Variants in SMAP1 observed in about 807,000 individuals in gnomAD.
The protein encoded by SMAP1 is stromal membrane-associated protein 1.
A neutral mutation model predicts 58.5 loss-of-function variants in SMAP1; 24 were observed. The ratio of observed to expected loss-of-function variants is 0.41; its 90% CI spans 0.30 to 0.58. The LOEUF is 0.58. Ranked by LOEUF, SMAP1 falls within the 20% of genes least tolerant of loss-of-function variation. SMAP1 has a pLI of 0.29. For synonymous variants in SMAP1, 216 were observed against 196.6 expected, an observed-to-expected ratio of 1.10 and a Z score of -0.82; for missense variants, 563 against 566.3, an observed-to-expected ratio of 0.99 and a Z score of 0.06.
chr6:70,808,775 T>C (rs1769255565), intron 6 of SMAP1, among the ~76,000 whole-genome samples: 1 of 152,224 alleles, frequency 6.6e-6, no homozygotes, highest in Non-Finnish European at 1.5e-5. Context: ...CTCACTATTA[T>C]TTCAAACTGG....
intron 6 of SMAP1, among the ~76,000 whole-genome samples, chr6:70,800,911 C>G (rs1400324571): frequency 6.6e-6 from 1 of 152,158 alleles, no homozygotes; most frequent in African/African-American, 2.4e-5. Context: ...TTAATCCAGT[C>G]TATCATTGAT....
At chr6:70,769,653 T>G (rs776286674) in intron 3 of SMAP1, among the ~76,000 whole-genome samples, 1 of 152,168 alleles carries the variant, frequency 6.6e-6, no homozygotes, top group African/African-American at 2.4e-5. Context: ...TGTCTCTGCA[T>G]GTGAGATGGG....
chr6:70,834,858 G>T (rs966726813), intron 6 of SMAP1, among the ~76,000 whole-genome samples: 1 of 152,138 alleles, frequency 6.6e-6, no homozygotes, highest in South Asian at 2.1e-4. Context: ...TGTATTAGAG[G>T]TTGAAAAGTG....
chr6:70,749,136 G>C (rs187567580), intron 2 of SMAP1, among the ~76,000 whole-genome samples: 2 of 152,304 alleles, frequency 1.3e-5, no homozygotes, highest in East Asian at 3.9e-4. Context: ...AATTATGGCG[G>C]AAGGCGAGGG....
At chr6:70,730,529 G>T in intron 1 of SMAP1, among the ~76,000 whole-genome samples, 1 of 152,218 alleles carries the variant, frequency 6.6e-6, no homozygotes, top group African/African-American at 2.4e-5. Flanking sequence ...GTAACTGGGG[G>T]AGGCAGCTCT....
At chr6:70,783,757 G>A (rs1767872782) in intron 4 of SMAP1, among the ~76,000 whole-genome samples, 1 of 152,102 alleles carries the variant, frequency 6.6e-6, no homozygotes, top group Non-Finnish European at 1.5e-5. Context: ...AGAGAAAAAA[G>A]AATAAAAAGA....
At chr6:70,813,223 G>A (rs887464462) in intron 6 of SMAP1, among the ~76,000 whole-genome samples, 5 of 151,968 alleles carry the variant, frequency 3.3e-5, no homozygotes, top group African/African-American at 1.2e-4. Flanking sequence ...GTAGGAGGTG[G>A]GGGTATGTCA....
Position 70,733,531 on chromosome 6 carries a change from T to A in SMAP1, c.252+1020T>A, listed in dbSNP as rs146770385. On this transcript the variant is annotated intron_variant, in intron 2 of 10. Transcript: ENST00000370455. ...CTGTAGAATATGGTAACAGATGTCA[T>A]GATGTTGTAAGTCTTTTTTTGTTTG... Among the ~76,000 whole-genome samples, 1,393 of 152,280 alleles carry A rather than the reference T, an allele frequency of 9.1e-3. 19 individuals carry two copies. Among genetic ancestry groups the A allele is most frequent in the Middle Eastern group, 0.088 (26 of 294 alleles).
intron 3 of SMAP1, among the ~76,000 whole-genome samples, chr6:70,766,020 T>A (rs1766963816): frequency 1.3e-5 from 2 of 151,820 alleles, no homozygotes; most frequent in South Asian, 2.1e-4. Flanking sequence ...CTTGCGATAG[T>A]TTACTGAGAA....
chr6:70,690,335 T>C (rs1182171422), intron 1 of SMAP1, among the ~76,000 whole-genome samples: 2 of 152,100 alleles, frequency 1.3e-5, no homozygotes, highest in African/African-American at 4.8e-5. Flanking sequence ...AGACGGACTT[T>C]CGCTCTTGTT....
intron 4 of SMAP1, among the ~76,000 whole-genome samples, chr6:70,776,005 T>C (rs115015750): frequency 9.9e-4 from 151 of 152,248 alleles, no homozygotes; most frequent in African/African-American, 3.6e-3. Context: ...TTTGGATCAC[T>C]TACTATGCTC....
intron 6 of SMAP1, among the ~76,000 whole-genome samples, chr6:70,833,064 C>G (rs1770428501): frequency 6.6e-6 from 1 of 152,058 alleles, no homozygotes; most frequent in African/African-American, 2.4e-5. Flanking sequence ...TGAAGTCTTT[C>G]AAGAAAACTG....
intron 1 of SMAP1, among the ~76,000 whole-genome samples, chr6:70,725,760 A>G (rs897283294): frequency 2.6e-5 from 4 of 152,182 alleles, no homozygotes; most frequent in African/African-American, 9.7e-5. Flanking sequence ...TCCCTCTCCA[A>G]CAAATAAAAC....
intron 3 of SMAP1, among the ~76,000 whole-genome samples, chr6:70,767,997 T>G: frequency 6.6e-6 from 1 of 150,966 alleles, no homozygotes; most frequent in Non-Finnish European, 1.5e-5. Flanking sequence ...TTTCTGCATC[T>G]ATTGAGATAA....
chr6:70,753,442 A>G (rs1766361089), intron 2 of SMAP1, among the ~76,000 whole-genome samples: 1 of 152,110 alleles, frequency 6.6e-6, no homozygotes, highest in Admixed American at 6.6e-5. Flanking sequence ...CAAATGTTTA[A>G]TGTCTTTATG....
rs771439200 is a variant in SMAP1, at chr6:70,858,196, G to A, written c.1236G>A (p.Pro412=). The change falls in exon 10 of 11, where the codon CCG becomes CCA. Residue 412 remains proline, a synonymous_variant. Transcript: ENST00000370455. ...MGAPQSKFGL[P]QAQQPQWSLS... ...CACCCCAGAGTAAGTTTGGCCTGCC[G>A]CAAGCTCAGCAGCCCCAGTGGAGCC... is the stretch of plus-strand genomic sequence containing the variant. 3 of 1,611,858 alleles carry A rather than the reference G, an allele frequency of 1.9e-6. No individual in the cohort carries two copies. The highest frequency in any genetic ancestry group is 2.2e-5 in the East Asian group (1 of 44,720).
intron 1 of SMAP1, among the ~76,000 whole-genome samples, chr6:70,674,830 C>G (rs562885469): frequency 1.3e-3 from 193 of 152,224 alleles, no homozygotes; most frequent in African/African-American, 4.4e-3. Context: ...CTAAAATTAG[C>G]CAGGTGCAGT....
intron 7 of SMAP1, among the ~76,000 whole-genome samples, chr6:70,845,476 C>T (rs1348448308): frequency 6.6e-6 from 1 of 152,134 alleles, no homozygotes; most frequent in African/African-American, 2.4e-5. Flanking sequence ...TTCTATTTTC[C>T]TTAATTCAGA....
At chr6:70,761,570 T>C (rs146947769) in intron 3 of SMAP1, among the ~76,000 whole-genome samples, 1,663 of 152,142 alleles carry the variant, frequency 0.011, 14 homozygotes, top group Non-Finnish European at 0.015. Flanking sequence ...CTGTTTAAAC[T>C]TGATGGTATG....
Sources: allele counts gnomAD v4.1 joint callset (sites outside exome capture counted in the v4.1 genomes callset), GRCh38; gene constraint gnomAD v4.1.1; transcripts MANE v1.5; gene names NCBI Gene and HGNC (gene_info 2026-07-23, HGNC 2026-07-21).